SLC2A9: variants seen among roughly 807,000 people sequenced by gnomAD.
SLC2A9 encodes solute carrier family 2, facilitated glucose transporter member 9.
A neutral mutation model predicts 50.6 loss-of-function variants in SLC2A9; 39 were observed. That is an observed-to-expected ratio of 0.77 (90% confidence interval 0.60 to 1.01). The LOEUF is 1.01. SLC2A9 is among the 50% of genes least tolerant of loss of function. SLC2A9 has a pLI of 0.00. For synonymous variants in SLC2A9, 324 were observed against 276.9 expected, an observed-to-expected ratio of 1.17 and a Z score of -1.69; for missense variants, 686 against 677.6, an observed-to-expected ratio of 1.01 and a Z score of -0.14.
chr4:9,897,897 T>C (rs1233678226), intron 8 of SLC2A9, among the ~76,000 whole-genome samples: 1 of 151,876 alleles, frequency 6.6e-6, no homozygotes, highest in Non-Finnish European at 1.5e-5. Context: ...ACATTCCACC[T>C]CAGAAAAACC....
chr4:9,785,358 C>A (rs2108864568), intron 3 of SLC2A9, among the ~76,000 whole-genome samples: 1 of 152,338 alleles, frequency 6.6e-6, no homozygotes, highest in South Asian at 2.1e-4. Context: ...CTTCTTAGAG[C>A]TTCTCCTGTG....
At chr4:9,944,997 C>T (rs1300610714) in intron 5 of SLC2A9, among the ~76,000 whole-genome samples, 2 of 152,200 alleles carry the variant, frequency 1.3e-5, no homozygotes, top group Admixed American at 6.5e-5. Context: ...CTCACTCATT[C>T]CTGCCGTGGG....
chr4:9,772,024 C>T (rs746698068), intron 1 of SLC2A9, among the ~76,000 whole-genome samples: 18 of 152,264 alleles, frequency 1.2e-4, no homozygotes, highest in Middle Eastern at 3.4e-3. Flanking sequence ...GGAATTAGTG[C>T]ATTAATTTTT....
chr4:9,798,953 A>G (rs1366768550), downstream of SLC2A9: 1 of 152,270 alleles, frequency 6.6e-6, no homozygotes, highest in Non-Finnish European at 1.5e-5. Context: ...TGGATGCCAT[A>G]GTAAAGGAGT....
At chr4:9,821,094 C>T (rs1724336043) in intron 3 of SLC2A9, among the ~76,000 whole-genome samples, 1 of 152,112 alleles carries the variant, frequency 6.6e-6, no homozygotes, top group South Asian at 2.1e-4. Flanking sequence ...CAGGTTAAGG[C>T]AGCTTTTTTC....
chr4:9,776,350 C>T (rs1717567276), downstream of SLC2A9, among the ~76,000 whole-genome samples: 1 of 152,054 alleles, frequency 6.6e-6, no homozygotes, highest in South Asian at 2.1e-4. Flanking sequence ...GCTGTGCGAT[C>T]ATCCTTCTCG....
At chr4:10,033,809 T>G (rs1764011978) in intron 1 of SLC2A9, among the ~76,000 whole-genome samples, 1 of 152,190 alleles carries the variant, frequency 6.6e-6, no homozygotes, top group South Asian at 2.1e-4. Context: ...GTCATCCCGG[T>G]GGTGGTGTCC....
At chr4:9,775,350 G>A (rs1307148923), downstream of SLC2A9, among the ~76,000 whole-genome samples, 1 of 152,118 alleles carries the variant, frequency 6.6e-6, no homozygotes, top group Non-Finnish European at 1.5e-5. Context: ...CCCCCATGCA[G>A]CATCAGAGCC....
At chr4:9,905,197 A>T (rs1176778545) in intron 8 of SLC2A9, among the ~76,000 whole-genome samples, 2 of 152,252 alleles carry the variant, frequency 1.3e-5, no homozygotes, top group African/African-American at 4.8e-5. Flanking sequence ...TCCACCACCC[A>T]AGCTCTGAAT....
At chr4:9,904,884 C>G (rs1740340370) in intron 8 of SLC2A9, among the ~76,000 whole-genome samples, 1 of 152,156 alleles carries the variant, frequency 6.6e-6, no homozygotes, top group South Asian at 2.1e-4. Flanking sequence ...ATGGACTATT[C>G]TGCATCCATC....
intron 1 of SLC2A9, among the ~76,000 whole-genome samples, chr4:10,037,198 C>A (rs147472024): frequency 6.6e-6 from 1 of 152,312 alleles, no homozygotes; most frequent in Non-Finnish European, 1.5e-5. Context: ...ACCATGATGA[C>A]AATCTAATTT....
chr4:9,851,098 C>T (rs556329002), intron 10 of SLC2A9, among the ~76,000 whole-genome samples: 73 of 152,348 alleles, frequency 4.8e-4, no homozygotes, highest in African/African-American at 1.7e-3. Flanking sequence ...CACCCCACTG[C>T]ACTGTTGCAG....
At chr4:9,886,497 G>C (rs1430045903) in intron 10 of SLC2A9, among the ~76,000 whole-genome samples, 1 of 149,080 alleles carries the variant, frequency 6.7e-6, no homozygotes, top group Non-Finnish European at 1.5e-5. Flanking sequence ...ATGTGCACCT[G>C]ATGCCCTCCC....
intron 5 of SLC2A9, among the ~76,000 whole-genome samples, chr4:9,958,195 T>C (rs1381721358): frequency 2.0e-5 from 3 of 152,242 alleles, no homozygotes; most frequent in African/African-American, 4.8e-5. Context: ...TGGGTATAAG[T>C]ATAGAATAAA....
chr4:9,807,011 G>T (rs1036743890), intron 3 of SLC2A9, among the ~76,000 whole-genome samples: 1 of 152,162 alleles, frequency 6.6e-6, no homozygotes, highest in Non-Finnish European at 1.5e-5. Context: ...CCTGCCTTCT[G>T]GTTGTTCAGG....
chr4:10,037,099 C>A (rs999017776), intron 1 of SLC2A9, among the ~76,000 whole-genome samples: 3 of 152,150 alleles, frequency 2.0e-5, no homozygotes, highest in Non-Finnish European at 4.4e-5. Flanking sequence ...TTTTTAATAG[C>A]CTTGTTGAAG....
At chr4:9,830,175 A>G (rs1282996696) in intron 11 of SLC2A9, among the ~76,000 whole-genome samples, 1 of 152,268 alleles carries the variant, frequency 6.6e-6, no homozygotes, top group Non-Finnish European at 1.5e-5. Flanking sequence ...ATGGAATACT[A>G]TGTAGCCATA....
downstream of SLC2A9, among the ~76,000 whole-genome samples, chr4:9,797,788 C>G (rs150988409): frequency 1.6e-3 from 238 of 152,310 alleles, no homozygotes; most frequent in African/African-American, 5.4e-3. Flanking sequence ...TCTCCATGAT[C>G]CTACAATTTT....
chr4:10,017,827 G>C (rs995796816), intron 2 of SLC2A9, among the ~76,000 whole-genome samples: 2 of 151,782 alleles, frequency 1.3e-5, no homozygotes, highest in Admixed American at 1.3e-4. Flanking sequence ...TGTGCTCCAA[G>C]AACCTGGAGC....
Sources: gnomAD v4.1 joint callset for allele counts (sites outside exome capture counted in the v4.1 genomes callset) on GRCh38, gnomAD v4.1.1 for gene constraint, MANE v1.5 for transcripts, NCBI Gene and HGNC (gene_info 2026-07-23, HGNC 2026-07-21) for gene names.